Variants in LYZL1 observed in about 807,000 individuals in gnomAD.
The protein encoded by LYZL1 is lysozyme-like protein 1.
LYZL1 carries 16 observed loss-of-function variants against 17.9 expected under a neutral mutation model. The ratio of observed to expected loss-of-function variants is 0.90; its 90% confidence interval spans 0.61 to 1.36. The LOEUF (loss-of-function observed/expected upper bound fraction) is 1.36, where lower values mean the gene tolerates loss of function less well. Ranked by LOEUF, LYZL1 falls within the 40% of genes most tolerant of loss-of-function variation. The probability of loss-of-function intolerance (pLI) is 0.00; values close to 1 mark genes in which losing one functional copy is unlikely to be tolerated. For missense variants in LYZL1, 149 were observed against 188.4 expected, an observed-to-expected ratio of 0.79 and a Z score of 1.22; for synonymous variants, 58 against 71.8, an observed-to-expected ratio of 0.81 and a Z score of 0.97.
downstream of LYZL1, among the ~76,000 whole-genome samples, chr10:29,312,211 G>C (rs1835681793): frequency 6.6e-6 from 1 of 152,130 alleles, no homozygotes; most frequent in Non-Finnish European, 1.5e-5. Flanking sequence ...GGTCCAAACA[G>C]ATAAAATTGT....
At position 29,310,283 on chromosome 10, in the gene LYZL1, G is replaced by A. The variant is rs560978124; in HGVS notation, c.377+95G>A. ...TGGTGGAATTGACAAACTCACCTCC[G>A]CAGAGTGGTCCAACCAATGGAAGGA... On this transcript the variant is annotated intron_variant, in intron 4 of 4. Transcript: ENST00000649382. 147 of 942,094 alleles carry A rather than the reference G, an allele frequency of 1.6e-4. 1 individual carries two copies. The African/African-American group carries it at 1.9e-3, about 12-fold the overall frequency. 58.4% of individuals were successfully genotyped at this position (942,094 alleles called of 1,614,324 possible).
rs181792917 is a variant in LYZL1, at chr10:29,310,740, G to T, written c.378-250G>T. ...GAGAACCCGAATTTTCACAGATGTG[G>T]GTGTGACATGGAATGACCCATCCTT... On this transcript the variant is annotated intron_variant, in intron 4 of 4. Transcript: ENST00000649382. 3.6e-3 allele frequency among the ~76,000 whole-genome samples: 555 copies of T among 152,212 alleles called. 4 individuals are homozygous for T. Among genetic ancestry groups the T allele is most frequent in the African/African-American group, 0.012 (507 of 41,512 alleles).
At chr10:29,293,949 G>A (rs1194075857) in intron 3 of LYZL1, among the ~76,000 whole-genome samples, 1 of 151,754 alleles carries the variant, frequency 6.6e-6, no homozygotes, top group Non-Finnish European at 1.5e-5. Context: ...ACTCCAGCCT[G>A]GGTGACAGAG....
At chr10:29,305,734 T>G (rs10763705) in intron 3 of LYZL1, among the ~76,000 whole-genome samples, 43,129 of 151,944 alleles carry the variant, frequency 0.28, 6,207 homozygotes, top group South Asian at 0.4. Context: ...ATGATATATT[T>G]TGTCAGTTTT....
chr10:29,296,730 T>A (rs1835450921), intron 3 of LYZL1, among the ~76,000 whole-genome samples: 1 of 152,104 alleles, frequency 6.6e-6, no homozygotes, highest in African/African-American at 2.4e-5. Flanking sequence ...CTTCTAGGGA[T>A]CTGGCCAAAT....
intron 3 of LYZL1, among the ~76,000 whole-genome samples, chr10:29,303,679 A>C (rs1835552105): frequency 1.3e-5 from 2 of 152,116 alleles, no homozygotes; most frequent in African/African-American, 4.8e-5. Flanking sequence ...AGAGCATGGG[A>C]TTTTGGGGGA....
At chr10:29,308,444 G>A (rs1447707851) in intron 3 of LYZL1, among the ~76,000 whole-genome samples, 2 of 152,302 alleles carry the variant, frequency 1.3e-5, no homozygotes, top group East Asian at 3.9e-4. Flanking sequence ...TTTCATAGGT[G>A]TGGATCCCTG....
chr10:29,297,085 A>G (rs1333530527), intron 3 of LYZL1, among the ~76,000 whole-genome samples: 9 of 65,246 alleles, frequency 1.4e-4, no homozygotes, highest in South Asian at 1.4e-3. Flanking sequence ...GCTTTTTTTG[A>G]AAAAAAAAAA....
chr10:29,316,193 G>A (rs146850823), downstream of LYZL1, among the ~76,000 whole-genome samples: 6 of 152,198 alleles, frequency 3.9e-5, no homozygotes, highest in African/African-American at 1.4e-4. Flanking sequence ...GGGCAGGAAG[G>A]CAGCTTCACA....
chr10:29,291,980 A>G lies in LYZL1; in HGVS notation c.113A>G (p.Asn38Ser). The change falls in exon 2 of 5, where the codon AAT becomes AGT. Residue 38 changes from asparagine (N) to serine (S), a missense_variant. Asn to Ser is a conservative substitution (Grantham distance 46). Around this residue, in one of 2 missense-constraint regions of LYZL1, gnomAD observed 19 missense variants for 55.9 expected, o/e 0.34. Transcript: ENST00000649382. ...AKIFSRAGLD[N>S]YWGFSLGNWI... is the part of the protein sequence containing the mutation. ...ATATTCTCGAGGGCTGGCCTGGACA[A>G]TTACTGGGGCTTCAGCCTTGGAAAC... The G allele has an allele frequency of 6.5e-7, 1 of 1,538,470 alleles. No individual in the cohort carries two copies.
intron 4 of LYZL1, among the ~76,000 whole-genome samples, 199 bp from the exon 5 acceptor site, chr10:29,310,791 A>G (rs1204013050): frequency 6.6e-6 from 1 of 152,236 alleles, no homozygotes; most frequent in Non-Finnish European, 1.5e-5. Flanking sequence ...TTGTTGCTGA[A>G]GCTAACAATG....
Position 29,310,095 on chromosome 10 carries a change from T to G in LYZL1, c.299-15T>G, listed in dbSNP as rs764175679. 6.3e-7 allele frequency: 1 copy of G among 1,598,472 alleles called. No individual in the cohort carries two copies. The highest frequency in any genetic ancestry group is 2.2e-5 in the East Asian group (1 of 44,748). ...CAAAGTCTCGCCTAACCCTGATGTC[T>G]TCTCTCTTTTACAGCCTTGATCACT... On this transcript the variant is annotated splice_polypyrimidine_tract_variant and intron_variant, in intron 3 of 4. Transcript: ENST00000649382.
At chr10:29,315,657 G>T (rs926864704), downstream of LYZL1, among the ~76,000 whole-genome samples, 12 of 151,966 alleles carry the variant, frequency 7.9e-5, no homozygotes, top group Admixed American at 4.6e-4. Context: ...AGACCAGCAT[G>T]GGCAACAGAG....
chr10:29,306,112 T>C (rs1194626592), intron 3 of LYZL1, among the ~76,000 whole-genome samples: 1 of 152,224 alleles, frequency 6.6e-6, no homozygotes, highest in Admixed American at 6.5e-5. Context: ...AAAGTATTAG[T>C]GAATTAATGA....
At chr10:29,294,763 G>T (rs1184054101) in intron 3 of LYZL1, among the ~76,000 whole-genome samples, 1 of 152,164 alleles carries the variant, frequency 6.6e-6, no homozygotes, top group Non-Finnish European at 1.5e-5. Context: ...ATTGAAGGGA[G>T]ATACATCCCA....
chr10:29,290,606 C>T (rs1232792905), intron 1 of LYZL1, among the ~76,000 whole-genome samples: 7 of 152,246 alleles, frequency 4.6e-5, no homozygotes, highest in East Asian at 3.9e-4. Flanking sequence ...TTTGGGAGGC[C>T]GAGGTGGGCA....
intron 3 of LYZL1, among the ~76,000 whole-genome samples, chr10:29,298,701 C>G (rs1051287044): frequency 1.3e-5 from 2 of 152,088 alleles, no homozygotes; most frequent in Non-Finnish European, 2.9e-5. Flanking sequence ...GAATGCCCAG[C>G]CTGATTGTGA....
At chr10:29,309,785 C>G (rs772366416) in intron 3 of LYZL1, among the ~76,000 whole-genome samples, 1 of 152,196 alleles carries the variant, frequency 6.6e-6, no homozygotes, top group Non-Finnish European at 1.5e-5. Context: ...TCTGAGCCAC[C>G]ATGCCTGGCC....
At chr10:29,306,982 G>C (rs777454610) in intron 3 of LYZL1, among the ~76,000 whole-genome samples, 4 of 152,124 alleles carry the variant, frequency 2.6e-5, no homozygotes, top group Non-Finnish European at 5.9e-5. Flanking sequence ...TGTCTTCTGA[G>C]TAGCTGAGAC....
Sources: gnomAD v4.1 joint callset for allele counts (sites outside exome capture counted in the v4.1 genomes callset) on GRCh38, gnomAD v4.1.1 for gene constraint, gnomAD v4.1.1 regional missense constraint, MANE v1.5 for transcripts, NCBI Gene and HGNC (gene_info 2026-07-23, HGNC 2026-07-21) for gene names.